The following SVOPL variants were observed in gnomAD, a reference collection of about 807,000 sequenced individuals.
SVOPL encodes SVOP like.
In SVOPL, 60 loss-of-function variants were observed where a neutral mutation model predicts 61.0. The observed-to-expected ratio is 0.98, with a 90% CI of 0.80 to 1.22. The LOEUF is 1.22. SVOPL is among the 50% of genes most tolerant of loss of function. The pLI is 0.00. For missense variants in SVOPL, 662 were observed against 643.9 expected (o/e 1.03, Z -0.30); for synonymous variants, 279 against 250.0 (o/e 1.12, Z -1.09).
rs577040483 is a variant in SVOPL, at chr7:138,664,225, C to T, written c.274-1080G>A. On this transcript the variant is annotated intron_variant, in intron 4 of 15. Coordinates refer to ENST00000674285, the MANE Select transcript of SVOPL (RefSeq NM_001139456.2). ...CACCTTCTACCTGGAAGACGTCCTG[C>T]CTCCCTCGCGCGCCCCACCTAGCGC... 299 of 983,756 alleles carry T rather than the reference C, an allele frequency of 3.0e-4. 5 individuals are homozygous for T. In the South Asian group the frequency reaches 0.012, roughly 40 times the overall value. The allele number at this position is 983,756 out of a possible 1,614,324, so 60.9% of individuals were successfully genotyped here.
intron 4 of SVOPL, 26 bp downstream of exon 4, chr7:138,671,993 T>C (rs1308433722): frequency 1.3e-6 from 2 of 1,549,394 alleles, no homozygotes; most frequent in South Asian, 2.4e-5. Flanking sequence ...GTTGCTGTGT[T>C]CACGGCACAG....
chr7:138,632,982 G>A (rs1800285046), intron 9 of SVOPL, among the ~76,000 whole-genome samples: 1 of 152,064 alleles, frequency 6.6e-6, no homozygotes, highest in Non-Finnish European at 1.5e-5. Context: ...GCCACCTAAA[G>A]ATTATGTTGT....
chr7:138,680,103 G>C (rs770249264), intron 1 of SVOPL, among the ~76,000 whole-genome samples: 1 of 151,736 alleles, frequency 6.6e-6, no homozygotes, highest in African/African-American at 2.4e-5. Context: ...AAAAACAATC[G>C]CAAAGCAGCA....
chr7:138,664,299 C>T, intron 4 of SVOPL: 7 of 921,688 alleles, frequency 7.6e-6, no homozygotes, highest in Non-Finnish European at 9.1e-6. Flanking sequence ...ACGCGCCTAA[C>T]CCTCCAGCAC....
intron 1 of SVOPL, among the ~76,000 whole-genome samples, chr7:138,690,380 A>AGTAG (rs940546872): frequency 1.3e-5 from 2 of 152,052 alleles, no homozygotes; most frequent in African/African-American, 4.8e-5. Flanking sequence ...GGGAGCCAAA[A>AGTAG]GTAGGAATGG....
intron 1 of SVOPL, among the ~76,000 whole-genome samples, chr7:138,694,102 T>C (rs1803013693): frequency 6.6e-6 from 1 of 152,236 alleles, no homozygotes; most frequent in South Asian, 2.1e-4. Flanking sequence ...ACGTGTAAAT[T>C]GGTACAACCT....
intron 9 of SVOPL, among the ~76,000 whole-genome samples, chr7:138,637,692 C>T (rs1432107352): frequency 6.6e-6 from 1 of 152,074 alleles, no homozygotes; most frequent in African/African-American, 2.4e-5. Flanking sequence ...TGGCTCATGC[C>T]TGTAATTCCA....
At chr7:138,602,272 T>C (rs576962639) in intron 14 of SVOPL, among the ~76,000 whole-genome samples, 84 of 152,196 alleles carry the variant, frequency 5.5e-4, no homozygotes, top group African/African-American at 2.0e-3. Context: ...CAGTTTCCCA[T>C]TGCTTGTAAA....
Position 138,659,749 on chromosome 7 carries a change from T to C in SVOPL, c.470+115A>G, listed in dbSNP as rs1801917060. On this transcript the variant is annotated intron_variant, in intron 6 of 15. Transcript: ENST00000674285. ...TAAACTTTCTAAATGGACTGAAACC[T>C]GTCTCAGATATGTTGGGTTCACAAT... 3.8e-6 allele frequency: 4 copies of C among 1,045,904 alleles called. No individual in the cohort carries two copies. The Admixed American group carries it at 1.1e-4, about 29-fold the overall frequency. 64.8% of individuals were successfully genotyped at this position (1,045,904 alleles called of 1,614,324 possible). A position where few individuals can be genotyped will look rare whatever the true frequency, so the allele number is the denominator to read the frequency against.
At chr7:138,621,974 GTATC>G (rs1563095819) in intron 13 of SVOPL, among the ~76,000 whole-genome samples, 274 of 7,404 alleles carry the variant, frequency 0.037, 35 homozygotes, top group Non-Finnish European at 0.051. Context: ...ATCTATCTAT[GTATC>G]TATCTATCTA....
At chr7:138,631,454 ATCCCCACC>A (rs1238850353) in intron 9 of SVOPL, among the ~76,000 whole-genome samples, 1 of 152,102 alleles carries the variant, frequency 6.6e-6, no homozygotes, top group Non-Finnish European at 1.5e-5. Flanking sequence ...CACATTAACC[ATCCCCACC>A]TCCCCCCATC....
intron 4 of SVOPL, among the ~76,000 whole-genome samples, chr7:138,669,346 T>C (rs1463644331): frequency 6.6e-6 from 1 of 152,082 alleles, no homozygotes; most frequent in African/African-American, 2.4e-5. Context: ...AGTTCAAAGC[T>C]GCGGTGAGCT....
intron 5 of SVOPL, 123 bp from the exon 6 acceptor site, chr7:138,660,111 TAGC>T (rs1801939603): frequency 1.4e-6 from 2 of 1,469,122 alleles, no homozygotes; most frequent in African/African-American, 2.8e-5. Flanking sequence ...AGCTAACCTG[TAGC>T]AAGCCCACTG....
intron 4 of SVOPL, among the ~76,000 whole-genome samples, chr7:138,665,210 G>T: frequency 7.2e-6 from 1 of 138,170 alleles, no homozygotes; most frequent in East Asian, 2.1e-4. Flanking sequence ...AACACACAAA[G>T]CGTTTCTTCA....
intron 12 of SVOPL, 76 bp from the exon 13 acceptor site, chr7:138,626,126 A>G (rs78781602): frequency 1.5e-6 from 2 of 1,369,792 alleles, no homozygotes; most frequent in African/African-American, 1.4e-5. Flanking sequence ...CTTCGAGTGC[A>G]CTGTGGATGC....
intron 7 of SVOPL, among the ~76,000 whole-genome samples, chr7:138,651,531 G>A (rs570499090): frequency 7.2e-5 from 11 of 152,238 alleles, no homozygotes; most frequent in Non-Finnish European, 1.6e-4. Flanking sequence ...TCTTCAGCAA[G>A]TCTATTGGTG....
At chr7:138,594,848 C>T (rs1347091805) in intron 15 of SVOPL, among the ~76,000 whole-genome samples, 1 of 151,656 alleles carries the variant, frequency 6.6e-6, no homozygotes, top group Non-Finnish European at 1.5e-5. Context: ...CATATACATA[C>T]ATTATATATA....
chr7:138,623,901 C>T (rs767616837), intron 13 of SVOPL, among the ~76,000 whole-genome samples: 2 of 152,060 alleles, frequency 1.3e-5, no homozygotes, highest in Non-Finnish European at 2.9e-5. Flanking sequence ...CTCACCGCAA[C>T]CTTTGCCCCC....
At chr7:138,611,903 A>G (rs1410618363) in intron 14 of SVOPL, among the ~76,000 whole-genome samples, 144 of 28,558 alleles carry the variant, frequency 5.0e-3, no homozygotes, top group African/African-American at 5.4e-3. Context: ...TGTGCCCAAC[A>G]GCTCATTGAG....
Sources: gnomAD v4.1 joint callset for allele counts (sites outside exome capture counted in the v4.1 genomes callset) on GRCh38, gnomAD v4.1.1 for gene constraint, MANE v1.5 for transcripts, NCBI Gene and HGNC (gene_info 2026-07-23, HGNC 2026-07-21) for gene names.